The following TMEM120B variants were observed in gnomAD, a reference collection of about 807,000 sequenced individuals.
TMEM120B encodes transmembrane protein 120B.
A neutral mutation model predicts 55.5 loss-of-function variants in TMEM120B; 31 were observed. That is an observed-to-expected ratio of 0.56 (90% CI 0.42 to 0.75). TMEM120B has a LOEUF of 0.75. TMEM120B is among the 30% of genes least tolerant of loss of function. The pLI is 0.00. For missense variants in TMEM120B, 399 were observed against 425.5 expected, an observed-to-expected ratio of 0.94 and a Z score of 0.55; for synonymous variants, 203 against 176.3, an observed-to-expected ratio of 1.15 and a Z score of -1.20.
At position 121,779,725 on chromosome 12, in the gene TMEM120B, GT is replaced by G; in HGVS notation, c.*4004del. The G allele has an allele frequency of 1.9e-6, 3 of 1,578,540 alleles. No homozygotes were observed. Among genetic ancestry groups the G allele is most frequent in the Non-Finnish European group, 2.6e-6 (3 of 1,155,406 alleles). Reference sequence around the variant, plus strand: ...CCTGGAGGTCTCCTAGCACCACCTGGTGGGTTTGGGACTGGCTCTGAGGACT... The same window carrying G: ...CCTGGAGGTCTCCTAGCACCACCTGGGGGTTTGGGACTGGCTCTGAGGACT... On this transcript the variant is annotated 3_prime_UTR_variant, in exon 12 of 12. Coordinates refer to ENST00000449592, the MANE Select transcript of TMEM120B (RefSeq NM_001080825.2).
In TMEM120B at chr12:121,779,305, G is replaced by A. The variant is rs1874352487; in HGVS notation, c.*3583G>A. The A allele has an allele frequency of 4.7e-6, 3 of 632,762 alleles. No homozygotes were observed. The highest frequency in any genetic ancestry group is 5.9e-5 in the Admixed American group (2 of 33,764). 39.2% of individuals were successfully genotyped at this position (632,762 alleles called of 1,614,324 possible). ...CACCCACATCACCACCATGTCCCAG[G>A]GGCAGCCTGGAGGGGAGTTTGTGGT... On this transcript the variant is annotated 3_prime_UTR_variant, in exon 12 of 12. Transcript: ENST00000449592.
intron 1 of TMEM120B, among the ~76,000 whole-genome samples, chr12:121,718,199 A>G (rs566081320): frequency 3.4e-4 from 51 of 152,200 alleles, no homozygotes; most frequent in African/African-American, 1.2e-3. Context: ...ATATCAACCC[A>G]TGGCCTGGCG....
chr12:121,715,632 G>T (rs746667724), intron 1 of TMEM120B, among the ~76,000 whole-genome samples: 2 of 152,108 alleles, frequency 1.3e-5, no homozygotes, highest in Non-Finnish European at 2.9e-5. Flanking sequence ...TCCTACTTTG[G>T]GGAAGAGGGA....
At chr12:121,766,284 A>C (rs73411779) in intron 6 of TMEM120B, among the ~76,000 whole-genome samples, 11,248 of 152,192 alleles carry the variant, frequency 0.074, 565 homozygotes, top group African/African-American at 0.13. Context: ...GCCACTCATC[A>C]GCTCAGCATA....
chr12:121,750,217 G>A (rs1873232078), intron 3 of TMEM120B, among the ~76,000 whole-genome samples, 163 bp from the exon 4 acceptor site: 1 of 151,872 alleles, frequency 6.6e-6, no homozygotes, highest in African/African-American at 2.4e-5. Flanking sequence ...TTGGTTAGTT[G>A]TCATTCTCAC....
chr12:121,769,169 A>T (rs1482736701), intron 6 of TMEM120B, among the ~76,000 whole-genome samples: 20 of 151,496 alleles, frequency 1.3e-4, no homozygotes, highest in Admixed American at 1.3e-3. Context: ...AGGCAAAAAA[A>T]AAAACCCCAA....
At chr12:121,758,173 G>C in intron 5 of TMEM120B, 2 of 985,458 alleles carry the variant, frequency 2.0e-6, no homozygotes, top group Non-Finnish European at 2.4e-6. Flanking sequence ...TGGTGGGGAA[G>C]CCCTCAGAGG....
chr12:121,770,856 C>T (rs747874966), intron 6 of TMEM120B, 51 bp from the exon 7 acceptor site: 1 of 1,561,630 alleles, frequency 6.4e-7, no homozygotes, highest in South Asian at 1.1e-5. Context: ...GAGACACATG[C>T]CTGCGTTGCT....
At position 121,779,550 on chromosome 12, in the gene TMEM120B, G is replaced by A. The variant is rs373624346; in HGVS notation, c.*3828G>A. On this transcript the variant is annotated 3_prime_UTR_variant, in exon 12 of 12. Transcript: ENST00000449592. The stretch of plus-strand genomic sequence containing the variant: ...CTTCTGCCGTTGCGCCTTCTTCAGA[G>A]CGCTGAGAGCCACCTTGGCGGCCTC... The A allele has an allele frequency of 5.3e-5, 86 of 1,613,888 alleles. No individual in the cohort carries two copies. Among genetic ancestry groups the A allele is most frequent in the Non-Finnish European group, 6.8e-5 (80 of 1,180,056 alleles).
At chr12:121,728,726 T>G (rs1055250778) in intron 1 of TMEM120B, among the ~76,000 whole-genome samples, 1 of 152,280 alleles carries the variant, frequency 6.6e-6, no homozygotes, top group Middle Eastern at 3.4e-3. Flanking sequence ...GGGTGCTACC[T>G]TCAGGTGTAA....
intron 6 of TMEM120B, among the ~76,000 whole-genome samples, chr12:121,770,499 G>A (rs995361171): frequency 1.2e-4 from 19 of 152,288 alleles, no homozygotes; most frequent in East Asian, 5.8e-4. Flanking sequence ...CAGGCTTGGC[G>A]GGTTCTAGGA....
intron 7 of TMEM120B, among the ~76,000 whole-genome samples, 154 bp downstream of exon 7, chr12:121,771,126 CG>C (rs1240737101): frequency 2.6e-5 from 4 of 152,158 alleles, no homozygotes; most frequent in Non-Finnish European, 2.9e-5. Context: ...CCGGGCTGCG[CG>C]GGCCCCACCC....
In TMEM120B at chr12:121,744,213, T is replaced by C. The variant is rs1276692560; in HGVS notation, c.188+466T>C. On this transcript the variant is annotated intron_variant, in intron 2 of 11. Coordinates refer to ENST00000449592, the MANE Select transcript of TMEM120B (RefSeq NM_001080825.2). The stretch of plus-strand genomic sequence containing the variant: ...AGCTGTGATTACAGGCATGAGCCAC[T>C]GTGCCTGGCCGAGAGTTTCTCGTTC... 2.6e-5 allele frequency among the ~76,000 whole-genome samples: 4 copies of C among 152,148 alleles called. No individual in the cohort carries two copies. In the East Asian group the frequency reaches 7.7e-4, roughly 29 times the overall value.
At position 121,775,409 on chromosome 12, in the gene TMEM120B, GCC is replaced by G. The variant is rs1462336744; in HGVS notation, c.907-197_907-196del. The stretch of plus-strand genomic sequence containing the variant: ...CAATCTGTGGATCCCAAGGAGGTTC[GCC>G]CCATCGAGCCCTTCCCAGGCCCTGC... On this transcript the variant is annotated intron_variant, in intron 11 of 11. Transcript: ENST00000449592. This position sits in a 1 kb window ranked among gnomAD's most constrained non-coding sequence, Gnocchi z 4.3. 3 of 983,646 alleles carry G rather than the reference GCC, an allele frequency of 3.0e-6. No homozygotes were observed. The African/African-American group carries it at 5.3e-5, about 17-fold the overall frequency. The allele number at this position is 983,646 out of a possible 1,614,324, so 60.9% of individuals were successfully genotyped here.
In TMEM120B at chr12:121,712,777, C is replaced by T. The variant is rs1446971959; in HGVS notation, c.-119C>T. ...AGTTGCGCGCGTGGCTCTGGCTGCG[C>T]AGGAACAGCTGGTGCCTCCGAGGGC... is the stretch of plus-strand genomic sequence containing the variant. On this transcript the variant is annotated 5_prime_UTR_variant, in exon 1 of 12. Coordinates refer to ENST00000449592, the MANE Select transcript of TMEM120B (RefSeq NM_001080825.2). 9 of 626,692 alleles carry T rather than the reference C, an allele frequency of 1.4e-5. No homozygotes were observed. The allele number at this position is 626,692 out of a possible 1,614,324, so 38.8% of individuals were successfully genotyped here. A position where few individuals can be genotyped will look rare whatever the true frequency, so the allele number is the denominator to read the frequency against.
At chr12:121,737,041 A>G (rs1351100389) in intron 1 of TMEM120B, among the ~76,000 whole-genome samples, 1 of 152,140 alleles carries the variant, frequency 6.6e-6, no homozygotes, top group African/African-American at 2.4e-5. Flanking sequence ...CCAGGAACTT[A>G]GGTGGAAGCC....
intron 1 of TMEM120B, among the ~76,000 whole-genome samples, chr12:121,722,213 C>G (rs1894806973): frequency 6.6e-6 from 1 of 151,936 alleles, no homozygotes; most frequent in African/African-American, 2.4e-5. Context: ...ATTCTTCTGC[C>G]TCAGCCCCCT....
intron 1 of TMEM120B, among the ~76,000 whole-genome samples, chr12:121,727,790 C>T (rs1268701471): frequency 2.8e-5 from 4 of 144,986 alleles, no homozygotes; most frequent in Non-Finnish European, 4.5e-5. Flanking sequence ...AGGAGAATGG[C>T]GTGAACCCGG....
At chr12:121,746,375 C>T (rs559343670) in intron 2 of TMEM120B, among the ~76,000 whole-genome samples, 3 of 152,064 alleles carry the variant, frequency 2.0e-5, no homozygotes, top group East Asian at 1.9e-4. Context: ...TTAGTAGAGA[C>T]GGGGTTTCTC....
Sources: allele counts gnomAD v4.1 joint callset (sites outside exome capture counted in the v4.1 genomes callset), GRCh38; gene constraint gnomAD v4.1.1; non-coding constraint Gnocchi (gnomAD v3.1); transcripts MANE v1.5; gene names NCBI Gene and HGNC (gene_info 2026-07-23, HGNC 2026-07-21).